Variants in DLC1 observed in about 807,000 individuals in gnomAD.
DLC1 encodes the protein DLC1 Rho GTPase activating protein.
DLC1 carries 54 observed loss-of-function variants against 140.3 expected under a neutral mutation model. That is an observed-to-expected ratio of 0.38 (90% CI 0.31 to 0.48). The LOEUF is 0.48. DLC1 is among the 20% of genes least tolerant of loss of function. The probability of loss-of-function intolerance (pLI) is 0.96; values close to 1 mark genes in which losing one functional copy is unlikely to be tolerated. For synonymous variants in DLC1, 986 were observed against 728.1 expected (o/e 1.35, Z -5.70); for missense variants, 2,536 against 1,907.0 (o/e 1.33, Z -6.14).
rs537283667 is a variant in DLC1, at chr8:13,264,161, C to T, written c.1348+41108G>A. 3.9e-5 allele frequency among the ~76,000 whole-genome samples: 6 copies of T among 151,938 alleles called. No individual in the cohort carries two copies. In the East Asian group the frequency reaches 5.8e-4, roughly 15 times the overall value. On this transcript the variant is annotated intron_variant, in intron 5 of 17. Transcript: ENST00000276297. The stretch of plus-strand genomic sequence containing the variant: ...TTGGCTCACTGCAACCTCTCCCTCC[C>T]GGGTTCAAGCGATTCTGCTACCTCA...
chr8:13,441,991 T>G (rs1051454997), intron 2 of DLC1, among the ~76,000 whole-genome samples: 3 of 152,190 alleles, frequency 2.0e-5, no homozygotes, highest in Non-Finnish European at 4.4e-5. Flanking sequence ...AGCATGGTAC[T>G]GGTACCAAAA....
At chr8:13,434,959 C>T (rs1014809375) in intron 2 of DLC1, among the ~76,000 whole-genome samples, 40 of 150,282 alleles carry the variant, frequency 2.7e-4, no homozygotes, top group African/African-American at 1.0e-3. Flanking sequence ...GGATTACAGG[C>T]GTGACCCCCC....
At chr8:13,387,200 C>G in intron 4 of DLC1, among the ~76,000 whole-genome samples, 1 of 151,868 alleles carries the variant, frequency 6.6e-6, no homozygotes, top group Non-Finnish European at 1.5e-5. Flanking sequence ...TATTTAAATT[C>G]TAGCCAATTT....
chr8:13,236,018 A>G (rs1023553096), intron 5 of DLC1, among the ~76,000 whole-genome samples: 5 of 152,076 alleles, frequency 3.3e-5, no homozygotes, highest in African/African-American at 1.2e-4. Context: ...TATTAACCAA[A>G]TTTTCTGAAG....
chr8:13,309,570 T>C (rs1832587379), intron 4 of DLC1, among the ~76,000 whole-genome samples: 1 of 152,196 alleles, frequency 6.6e-6, no homozygotes. Context: ...AAGCTATATG[T>C]GGGAGCTTAG....
chr8:13,414,817 G>T (rs919768559), intron 2 of DLC1, among the ~76,000 whole-genome samples: 2 of 151,958 alleles, frequency 1.3e-5, no homozygotes, highest in African/African-American at 4.8e-5. Context: ...AGGTTTTTGA[G>T]GCTGGGGGGC....
intron 4 of DLC1, among the ~76,000 whole-genome samples, chr8:13,392,770 A>G (rs1354155472): frequency 6.6e-6 from 1 of 152,166 alleles, no homozygotes; most frequent in Non-Finnish European, 1.5e-5. Context: ...CACAATCTAC[A>G]CATGAAGCAT....
intron 1 of DLC1, among the ~76,000 whole-genome samples, chr8:13,543,344 A>G (rs1372798746): frequency 2.0e-5 from 3 of 152,150 alleles, no homozygotes; most frequent in African/African-American, 7.2e-5. Context: ...TCAGAAGTAG[A>G]TAGTTTAGAC....
At chr8:13,413,595 G>C (rs1037077807) in intron 2 of DLC1, among the ~76,000 whole-genome samples, 3 of 151,946 alleles carry the variant, frequency 2.0e-5, no homozygotes, top group African/African-American at 7.3e-5. Flanking sequence ...ATCTCCCCAG[G>C]TGTTGAGGGA....
intron 2 of DLC1, among the ~76,000 whole-genome samples, chr8:13,443,900 A>G (rs1165620483): frequency 6.6e-6 from 1 of 152,042 alleles, no homozygotes; most frequent in African/African-American, 2.4e-5. Flanking sequence ...CCCTATCCCT[A>G]TTATCCAGGA....
chr8:13,088,205 G>A (rs1042711178), intron 16 of DLC1, among the ~76,000 whole-genome samples: 5 of 150,722 alleles, frequency 3.3e-5, no homozygotes, highest in South Asian at 2.3e-4. Flanking sequence ...TCGGCCTCCC[G>A]AGTAGCTAGG....
At chr8:13,568,736 G>A (rs576410778) in intron 1 of DLC1, among the ~76,000 whole-genome samples, 1 of 152,294 alleles carries the variant, frequency 6.6e-6, no homozygotes, top group East Asian at 1.9e-4. Context: ...TAGATGCTAA[G>A]GAATGAATAT....
chr8:13,376,807 C>A (rs770932365), intron 4 of DLC1, among the ~76,000 whole-genome samples: 2 of 152,160 alleles, frequency 1.3e-5, no homozygotes, highest in Admixed American at 1.3e-4. Flanking sequence ...TTTGAGCCAA[C>A]ATTTAATCCT....
chr8:13,289,433 C>T (rs1831671540), intron 5 of DLC1, among the ~76,000 whole-genome samples: 2 of 152,116 alleles, frequency 1.3e-5, no homozygotes, highest in South Asian at 4.1e-4. Flanking sequence ...CTCAAGTGAT[C>T]CTCCTACCTC....
chr8:13,400,369 A>G (rs1837240456), intron 3 of DLC1, among the ~76,000 whole-genome samples: 1 of 152,146 alleles, frequency 6.6e-6, no homozygotes, highest in African/African-American at 2.4e-5. Flanking sequence ...TTTCACATGA[A>G]CCTGCAGTTG....
chr8:13,202,346 T>A (rs1371662357), intron 5 of DLC1, among the ~76,000 whole-genome samples: 1 of 152,230 alleles, frequency 6.6e-6, no homozygotes, highest in African/African-American at 2.4e-5. Flanking sequence ...TTTTGATACA[T>A]ACGTACATTG....
rs117108552 is a variant in DLC1 at position 13,459,559 on chromosome 8, G to A, written c.1023+39490C>T. 9.2e-3 allele frequency among the ~76,000 whole-genome samples: 1,393 copies of A among 152,134 alleles called. 12 individuals carry two copies. The highest frequency in any genetic ancestry group is 0.014 in the South Asian group (67 of 4,828). The stretch of plus-strand genomic sequence containing the variant: ...TTGTCTCTCTGTTCATTGGAACTGC[G>A]CTGTGTTCCAATGGGGGCAGGGGCT... On this transcript the variant is annotated intron_variant, in intron 2 of 17. Coordinates refer to ENST00000276297, the MANE Select transcript of DLC1 (RefSeq NM_182643.3).
intron 5 of DLC1, among the ~76,000 whole-genome samples, chr8:13,193,156 T>C (rs1159751216): frequency 6.6e-6 from 1 of 152,192 alleles, no homozygotes; most frequent in Non-Finnish European, 1.5e-5. Flanking sequence ...CTGACACCTA[T>C]TGACTGTCAC....
At chr8:13,365,777 A>G (rs1835451910) in intron 4 of DLC1, among the ~76,000 whole-genome samples, 1 of 152,148 alleles carries the variant, frequency 6.6e-6, no homozygotes, top group African/African-American at 2.4e-5. Context: ...ATTTAAAAAA[A>G]TTAAAAAAAA....
Sources: gnomAD v4.1 joint callset for allele counts (sites outside exome capture counted in the v4.1 genomes callset) on GRCh38, gnomAD v4.1.1 for gene constraint, MANE v1.5 for transcripts, NCBI Gene and HGNC (gene_info 2026-07-23, HGNC 2026-07-21) for gene names.